SORCS2: variants seen among roughly 807,000 people sequenced by gnomAD.
SORCS2 encodes the protein sortilin related VPS10 domain containing receptor 2.
A neutral mutation model predicts 141.6 loss-of-function variants in SORCS2; 100 were observed. The observed-to-expected ratio is 0.71, with a 90% CI of 0.60 to 0.83. SORCS2 has a LOEUF of 0.83. SORCS2 is among the 40% of genes least tolerant of loss of function. The probability of loss-of-function intolerance (pLI) is 0.00; values close to 1 mark genes in which losing one functional copy is unlikely to be tolerated. For missense variants in SORCS2, 1,646 were observed against 1,560.2 expected (o/e 1.05, Z -0.93); for synonymous variants, 789 against 676.9 (o/e 1.17, Z -2.57).
intron 12 of SORCS2, among the ~76,000 whole-genome samples, chr4:7,698,719 A>G (rs941261291): frequency 2.6e-5 from 4 of 152,384 alleles, no homozygotes; most frequent in Admixed American, 2.6e-4. Flanking sequence ...AGGCCTGGCC[A>G]GGGCAGTGCT....
intron 3 of SORCS2, among the ~76,000 whole-genome samples, chr4:7,629,788 C>G (rs1028069057): frequency 1.3e-5 from 2 of 152,046 alleles, no homozygotes; most frequent in African/African-American, 4.8e-5. Context: ...GGGTGTACCT[C>G]AGGAACCTCA....
intron 6 of SORCS2, among the ~76,000 whole-genome samples, chr4:7,662,242 C>T (rs1722225143): frequency 6.7e-6 from 1 of 150,192 alleles, no homozygotes; most frequent in South Asian, 2.2e-4. Context: ...CTCCCCCACC[C>T]CCACCCTGCC....
chr4:7,593,699 G>A (rs1412252449), intron 3 of SORCS2, among the ~76,000 whole-genome samples: 2 of 152,220 alleles, frequency 1.3e-5, no homozygotes, highest in African/African-American at 2.4e-5. Flanking sequence ...GGAAGCCGGA[G>A]CAGATGTTGG....
intron 1 of SORCS2, among the ~76,000 whole-genome samples, chr4:7,246,244 T>C (rs1471084113): frequency 6.6e-6 from 1 of 152,238 alleles, no homozygotes. Flanking sequence ...CCCTGGATTC[T>C]GGGTACCTGG....
chr4:7,645,731 A>T (rs1721030836), intron 4 of SORCS2, among the ~76,000 whole-genome samples: 1 of 152,160 alleles, frequency 6.6e-6, no homozygotes, highest in South Asian at 2.1e-4. Context: ...CTTATGTTCT[A>T]GGGGATGAAA....
At chr4:7,651,050 C>T (rs1721415483) in intron 4 of SORCS2, among the ~76,000 whole-genome samples, 1 of 152,094 alleles carries the variant, frequency 6.6e-6, no homozygotes, top group South Asian at 2.1e-4. Context: ...GAACTGGGGA[C>T]ATCAGTTATA....
intron 1 of SORCS2, among the ~76,000 whole-genome samples, chr4:7,210,050 G>T (rs1007731937): frequency 1.3e-5 from 2 of 152,234 alleles, no homozygotes; most frequent in East Asian, 3.9e-4. Flanking sequence ...CCATGTCGGG[G>T]AGGCTATGAA....
chr4:7,425,829 C>T (rs1263605886), intron 2 of SORCS2, among the ~76,000 whole-genome samples: 2 of 152,234 alleles, frequency 1.3e-5, no homozygotes, highest in African/African-American at 4.8e-5. Context: ...GCAAGCATCC[C>T]GAGGCAGGGA....
chr4:7,277,198 A>C lies in SORCS2; in HGVS notation c.480+84072A>C, dbSNP rs185677473. Among the ~76,000 whole-genome samples, 700 of 152,242 alleles carry C rather than the reference A, an allele frequency of 4.6e-3. 5 individuals are homozygous for C. The highest frequency in any genetic ancestry group is 0.016 in the African/African-American group (682 of 41,562). ...GCTCAGTGTAAACTTTCCTGCTGTGAGGAAGGAGGCAGGGGCTTGTGGAGT... is the reference window on the plus strand; with the variant it reads ...GCTCAGTGTAAACTTTCCTGCTGTGCGGAAGGAGGCAGGGGCTTGTGGAGT... On this transcript the variant is annotated intron_variant, in intron 1 of 26. Transcript: ENST00000507866.
Position 7,723,635 on chromosome 4 carries a change from A to G in SORCS2, c.2425-62A>G. 6.4e-6 allele frequency: 10 copies of G among 1,566,284 alleles called. 1 individual carries two copies. The South Asian group carries it at 1.1e-4, about 17-fold the overall frequency. Reference sequence around the variant, plus strand: ...AGTGAGTGAGTGAGTGAGTGAATGAACCACTCTGGCCCCTCAGCTTCAAGG... The same window carrying G: ...AGTGAGTGAGTGAGTGAGTGAATGAGCCACTCTGGCCCCTCAGCTTCAAGG... On this transcript the variant is annotated intron_variant, in intron 18 of 26. Transcript: ENST00000507866.
intron 2 of SORCS2, among the ~76,000 whole-genome samples, chr4:7,527,509 G>A (rs754535878): frequency 5.3e-5 from 8 of 152,212 alleles, no homozygotes; most frequent in Non-Finnish European, 7.3e-5. Flanking sequence ...TCGCTAGCAG[G>A]TGGGAGAGAC....
intron 1 of SORCS2, among the ~76,000 whole-genome samples, chr4:7,371,564 C>T (rs1340755381): frequency 1.3e-5 from 2 of 152,120 alleles, no homozygotes; most frequent in Admixed American, 6.5e-5. Context: ...TTCTTTTTCC[C>T]GGAGCCCAAG....
At chr4:7,689,264 G>C (rs564967331) in intron 10 of SORCS2, among the ~76,000 whole-genome samples, 3 of 152,144 alleles carry the variant, frequency 2.0e-5, no homozygotes, top group African/African-American at 7.2e-5. Context: ...CCCCTCCCAG[G>C]CTGTCAGCAC....
At chr4:7,478,386 C>T (rs962581033) in intron 2 of SORCS2, among the ~76,000 whole-genome samples, 1 of 152,062 alleles carries the variant, frequency 6.6e-6, no homozygotes, top group African/African-American at 2.4e-5. Flanking sequence ...GCCTCCCACA[C>T]CCCCTTATTT....
chr4:7,283,170 C>T (rs1409120757), intron 1 of SORCS2, among the ~76,000 whole-genome samples: 1 of 152,242 alleles, frequency 6.6e-6, no homozygotes, highest in Non-Finnish European at 1.5e-5. Flanking sequence ...GTGAGCAAGA[C>T]CCTGCCTCTT....
At chr4:7,615,392 CT>C (rs1185791086) in intron 3 of SORCS2, among the ~76,000 whole-genome samples, 1 of 152,204 alleles carries the variant, frequency 6.6e-6, no homozygotes, top group Non-Finnish European at 1.5e-5. Flanking sequence ...AAAGGAAAAT[CT>C]TTTTCCTGGT....
chr4:7,721,780 T>A (rs1726604166), intron 18 of SORCS2, among the ~76,000 whole-genome samples: 1 of 152,194 alleles, frequency 6.6e-6, no homozygotes, highest in Non-Finnish European at 1.5e-5. Flanking sequence ...CGTGATACTA[T>A]CATTTGGCAA....
chr4:7,657,319 AAATGAGTGAATGAGTAGGTGAGTGAGTG>A (rs1213583011), intron 5 of SORCS2, among the ~76,000 whole-genome samples: 40 of 152,380 alleles, frequency 2.6e-4, no homozygotes, highest in Admixed American at 7.2e-4. Flanking sequence ...ATGAGTGAAT[AAATGAGTGAATGAGTAGGTGAGTGAGTG>A]AATGAGTGAA....
intron 14 of SORCS2, among the ~76,000 whole-genome samples, chr4:7,709,693 C>T (rs1725698844): frequency 1.3e-5 from 2 of 152,218 alleles, no homozygotes; most frequent in Non-Finnish European, 2.9e-5. Context: ...AGCTTTCGGC[C>T]ACTCTGTCCT....
Sources: allele counts gnomAD v4.1 joint callset (sites outside exome capture counted in the v4.1 genomes callset), GRCh38; gene constraint gnomAD v4.1.1; transcripts MANE v1.5; gene names NCBI Gene and HGNC (gene_info 2026-07-23, HGNC 2026-07-21).